The following PRELID2 variants were observed in gnomAD, a reference collection of about 807,000 sequenced individuals.
PRELID2 encodes PRELI domain-containing protein 2.
Under a neutral mutation model 28.4 loss-of-function variants are expected in PRELID2, and 25 were observed. The observed-to-expected ratio is 0.88, with a 90% CI of 0.64 to 1.23. The LOEUF is 1.23. PRELID2 is among the 50% of genes most tolerant of loss of function. PRELID2 has a pLI of 0.00. For synonymous variants in PRELID2, 76 were observed against 71.6 expected (o/e 1.06, Z -0.31); for missense variants, 201 against 214.4 (o/e 0.94, Z 0.39).
intron 4 of PRELID2, among the ~76,000 whole-genome samples, chr5:145,797,839 C>G (rs1480986810): frequency 6.6e-6 from 1 of 151,700 alleles, no homozygotes; most frequent in Non-Finnish European, 1.5e-5. Flanking sequence ...AAACATGGCC[C>G]AATCAAAGAA....
At chr5:145,279,791 A>T in the PRELID2 span, among the ~76,000 whole-genome samples, 1 of 152,078 alleles carries the variant, frequency 6.6e-6, no homozygotes, top group Non-Finnish European at 1.5e-5. Context: ...TCTTGAATTA[A>T]AGAGGATTTT....
chr5:145,762,039 T>C (rs1400532370), intron 6 of PRELID2, among the ~76,000 whole-genome samples: 1 of 152,224 alleles, frequency 6.6e-6, no homozygotes, highest in Non-Finnish European at 1.5e-5. Flanking sequence ...ATTGTAGATT[T>C]ATGTGGTAAG....
chr5:145,695,392 T>C (rs563529047), intron 1 of PRELID2, among the ~76,000 whole-genome samples: 2 of 152,336 alleles, frequency 1.3e-5, no homozygotes, highest in East Asian at 3.9e-4. Context: ...GCTAGTGGAC[T>C]AGGAAGCAAT....
chr5:145,677,705 A>G (rs1561541367), intron 1 of PRELID2, among the ~76,000 whole-genome samples: 1 of 152,176 alleles, frequency 6.6e-6, no homozygotes, highest in Admixed American at 6.5e-5. Context: ...ATGTTTAAAT[A>G]AAACCAGAGA....
At chr5:145,491,753 T>C (rs570694692) in intron 1 of PRELID2, among the ~76,000 whole-genome samples, 1 of 152,214 alleles carries the variant, frequency 6.6e-6, no homozygotes, top group South Asian at 2.1e-4. Flanking sequence ...TCTACTTCTA[T>C]GAGATCAACA....
the PRELID2 span, among the ~76,000 whole-genome samples, chr5:145,240,449 A>G: frequency 6.6e-6 from 1 of 151,964 alleles, no homozygotes; most frequent in Non-Finnish European, 1.5e-5. Flanking sequence ...TGTAATTTAC[A>G]TATTTATAAA....
intron 1 of PRELID2, among the ~76,000 whole-genome samples, chr5:145,581,681 G>C (rs940941177): frequency 6.6e-6 from 1 of 151,988 alleles, no homozygotes; most frequent in Admixed American, 6.6e-5. Context: ...ATGGTACATG[G>C]CACCTAACCA....
At chr5:145,275,561 G>A in the PRELID2 span, among the ~76,000 whole-genome samples, 9 of 152,090 alleles carry the variant, frequency 5.9e-5, no homozygotes, top group Non-Finnish European at 1.3e-4. Context: ...AAGCCGGTAG[G>A]ACTAAGAGAA....
chr5:145,600,225 GA>G (rs1753369246), intron 1 of PRELID2, among the ~76,000 whole-genome samples: 1 of 149,360 alleles, frequency 6.7e-6, no homozygotes, highest in Non-Finnish European at 1.5e-5. Flanking sequence ...CATTTTAAAT[GA>G]AGTTTCTGCT....
the PRELID2 span, chr5:145,230,152 C>T: frequency 2.2e-6 from 1 of 455,932 alleles, no homozygotes; most frequent in Non-Finnish European, 4.1e-6. Flanking sequence ...CCTTGTTCTC[C>T]CCAGCTGGCA....
the PRELID2 span, among the ~76,000 whole-genome samples, chr5:145,371,162 T>C: frequency 6.6e-6 from 1 of 152,242 alleles, no homozygotes. Context: ...TGAATAGCAG[T>C]GGTGAGAAAG....
the PRELID2 span, among the ~76,000 whole-genome samples, chr5:145,303,447 A>G: frequency 6.6e-6 from 1 of 152,198 alleles, no homozygotes; most frequent in African/African-American, 2.4e-5. Flanking sequence ...CTAAATAGAA[A>G]CTAATCATTT....
the PRELID2 span, among the ~76,000 whole-genome samples, chr5:145,350,298 A>G: frequency 1.3e-5 from 2 of 152,206 alleles, no homozygotes; most frequent in South Asian, 4.1e-4. Context: ...AGTCTAGATG[A>G]CATGAGAAAA....
At chr5:145,550,116 T>C (rs907593144) in intron 1 of PRELID2, among the ~76,000 whole-genome samples, 1 of 152,038 alleles carries the variant, frequency 6.6e-6, no homozygotes, top group African/African-American at 2.4e-5. Flanking sequence ...ATATTAAAGA[T>C]AATGGGAGCC....
chr5:145,482,471 A>G (rs1752171020), intron 1 of PRELID2, among the ~76,000 whole-genome samples: 1 of 152,062 alleles, frequency 6.6e-6, no homozygotes, highest in South Asian at 2.1e-4. Flanking sequence ...AATAATAACA[A>G]ACTTCCAACA....
the PRELID2 span, among the ~76,000 whole-genome samples, chr5:145,439,760 G>A: frequency 6.6e-6 from 1 of 151,772 alleles, no homozygotes; most frequent in Non-Finnish European, 1.5e-5. Context: ...CTGCTTTCTG[G>A]CCTTCTGTAC....
chr5:145,404,704 T>C, the PRELID2 span, among the ~76,000 whole-genome samples: 2 of 152,118 alleles, frequency 1.3e-5, no homozygotes, highest in Non-Finnish European at 2.9e-5. Flanking sequence ...GATTAACTGA[T>C]ATTGGGTAGA....
chr5:145,640,616 C>T (rs1009983794), intron 1 of PRELID2, among the ~76,000 whole-genome samples: 1 of 149,830 alleles, frequency 6.7e-6, no homozygotes, highest in Non-Finnish European at 1.5e-5. Flanking sequence ...TGCACCCCAG[C>T]CTGGGCTACA....
the PRELID2 span, among the ~76,000 whole-genome samples, chr5:145,290,047 G>A: frequency 2.0e-5 from 3 of 152,134 alleles, no homozygotes; most frequent in Non-Finnish European, 2.9e-5. Flanking sequence ...AAACCACAAT[G>A]AGATACCATC....
Sources: allele counts gnomAD v4.1 joint callset (sites outside exome capture counted in the v4.1 genomes callset), GRCh38; gene constraint gnomAD v4.1.1; transcripts MANE v1.5; gene names NCBI Gene and HGNC (gene_info 2026-07-23, HGNC 2026-07-21).